Variants in PAX7 observed in about 807,000 individuals in gnomAD.
The protein encoded by PAX7 is paired box protein Pax-7.
PAX7 carries 18 observed loss-of-function variants against 50.7 expected under a neutral mutation model. That is an observed-to-expected ratio of 0.36 (90% CI 0.25 to 0.53). PAX7 has a LOEUF of 0.53. Among genes scored for constraint, PAX7 ranks in the 20% least tolerant of loss-of-function variants. PAX7 has a pLI of 0.93. For missense variants in PAX7, 644 were observed against 702.9 expected (o/e 0.92, Z 0.95); for synonymous variants, 310 against 290.4 (o/e 1.07, Z -0.69).
chr1:18,655,012 T>G (rs9439673), intron 4 of PAX7, among the ~76,000 whole-genome samples: 2,363 of 152,300 alleles, frequency 0.016, 65 homozygotes, highest in African/African-American at 0.053. Flanking sequence ...CACCGTGATA[T>G]TAGTTCCTGG....
At chr1:18,698,715 G>A (rs1234225146) in intron 5 of PAX7, among the ~76,000 whole-genome samples, 1 of 152,206 alleles carries the variant, frequency 6.6e-6, no homozygotes, top group African/African-American at 2.4e-5. Flanking sequence ...TCGGCGCCCT[G>A]TGGAAGTGGG....
Position 18,634,341 on chromosome 1 carries a change from G to A in PAX7, c.124G>A (p.Gly42Arg). Reference sequence around the variant, plus strand: ...TGGCCAAGGCCGGGTCAATCAGCTGGGAGGGGTCTTCATCAATGGGCGACC... The same window carrying A: ...TGGCCAAGGCCGGGTCAATCAGCTGAGAGGGGTCTTCATCAATGGGCGACC... ...PLGQGRVNQL[G>R]GVFINGRPLP... is the part of the protein sequence containing the mutation. Residue 42 changes from glycine (G) to arginine (R), a missense_variant, in exon 2 of 9, where the codon GGA (glycine) becomes AGA (arginine). Physicochemically the swap from Gly to Arg is moderately radical, Grantham distance 125. Coordinates refer to ENST00000420770, the MANE Select transcript of PAX7 (RefSeq NM_001135254.2). The surrounding 1 kb of genome is among the most constrained non-coding windows in gnomAD (Gnocchi z 4.0). The A allele has an allele frequency of 1.2e-6, 2 of 1,614,050 alleles. No homozygotes were observed. Among genetic ancestry groups the A allele is most frequent in the Non-Finnish European group, 1.7e-6 (2 of 1,180,028 alleles).
intron 8 of PAX7, among the ~76,000 whole-genome samples, chr1:18,744,287 T>G (rs1931302718): frequency 6.6e-6 from 1 of 152,130 alleles, no homozygotes. Context: ...GGTGGTTAAT[T>G]CTTTGCTCAG....
In PAX7 at chr1:18,636,537, C is replaced by T. The variant is rs778072165; in HGVS notation, c.586+166C>T. On this transcript the variant is annotated intron_variant, in intron 4 of 8. Transcript: ENST00000420770. This position sits in a 1 kb window ranked among gnomAD's most constrained non-coding sequence, Gnocchi z 5.1. ...GCCGCTCAGGCTTTGCCGACAGCGC[C>T]CCCTCGGTGCGCACCCCGGATGCCG... Among the ~76,000 whole-genome samples, 1 of 152,204 alleles carries T rather than the reference C, an allele frequency of 6.6e-6. No homozygotes were observed. The highest frequency in any genetic ancestry group is 1.5e-5 in the Non-Finnish European group (1 of 68,038).
At chr1:18,730,323 G>A (rs188639673) in intron 7 of PAX7, among the ~76,000 whole-genome samples, 1 of 152,302 alleles carries the variant, frequency 6.6e-6, no homozygotes, top group African/African-American at 2.4e-5. Flanking sequence ...AGCACTGACT[G>A]GTCCAGGCCC....
At chr1:18,658,683 G>A (rs1309369424) in intron 4 of PAX7, among the ~76,000 whole-genome samples, 10 of 152,214 alleles carry the variant, frequency 6.6e-5, no homozygotes, top group East Asian at 5.8e-4. Flanking sequence ...GCTTCTGCCC[G>A]GCTGACTATG....
intron 7 of PAX7, among the ~76,000 whole-genome samples, chr1:18,708,074 A>G (rs1189401510): frequency 6.6e-6 from 1 of 152,082 alleles, no homozygotes; most frequent in Non-Finnish European, 1.5e-5. Flanking sequence ...CACTCAGCAC[A>G]TGCATGTCCC....
At position 18,632,877 on chromosome 1, in the gene PAX7, G is replaced by A. The variant is rs141307552; in HGVS notation, c.85+1189G>A. ...GGAGAGCGCGCAAACCCGGGGATTT[G>A]CAGTGGCACTCTCCTGTAGCGAATG... is the stretch of plus-strand genomic sequence containing the variant. On this transcript the variant is annotated intron_variant, in intron 1 of 8. Transcript: ENST00000420770. This position sits in a 1 kb window ranked among gnomAD's most constrained non-coding sequence, Gnocchi z 6.3. Among the ~76,000 whole-genome samples, 1,230 of 152,280 alleles carry A rather than the reference G, an allele frequency of 8.1e-3. 57 individuals are homozygous for A. Among genetic ancestry groups the A allele is most frequent in the Admixed American group, 0.068 (1,038 of 15,298 alleles).
chr1:18,747,853 G>A lies in PAX7; in HGVS notation c.*2924G>A, dbSNP rs535395221. On this transcript the variant is annotated 3_prime_UTR_variant, in exon 9 of 9. Transcript: ENST00000420770. The stretch of plus-strand genomic sequence containing the variant: ...AAAGAAATCCCCCACAGTGTGTGTC[G>A]TGCTAGTGCCAGAGACCATCTGTAG... The A allele has an allele frequency of 2.1e-5, 4 of 190,896 alleles. No individual in the cohort carries two copies. Among genetic ancestry groups the A allele is most frequent in the South Asian group, 3.9e-4 (2 of 5,152 alleles). The allele number at this position is 190,896 out of a possible 1,614,324, so 11.8% of individuals were successfully genotyped here.
rs2088118169 is a variant in PAX7, at chr1:18,634,811, A to C, written c.321+273A>C. ...TCAACCCCTGTCACCTTCCAAGACC[A>C]GAAGACATCTTCTCTCAGTCTTTCC... On this transcript the variant is annotated intron_variant, in intron 2 of 8. Coordinates refer to ENST00000420770, the MANE Select transcript of PAX7 (RefSeq NM_001135254.2). This position sits in a 1 kb window ranked among gnomAD's most constrained non-coding sequence, Gnocchi z 4.0. Among the ~76,000 whole-genome samples the C allele has an allele frequency of 6.6e-6, 1 of 152,214 alleles. No homozygotes were observed. Among genetic ancestry groups the C allele is most frequent in the South Asian group, 2.1e-4 (1 of 4,830 alleles).
chr1:18,741,657 T>G (rs1003476005), intron 8 of PAX7, among the ~76,000 whole-genome samples: 1 of 151,650 alleles, frequency 6.6e-6, no homozygotes, highest in African/African-American at 2.4e-5. Flanking sequence ...GCTGAAGAGG[T>G]TGGTGTGAGA....
At chr1:18,716,869 A>C (rs1310745675) in intron 7 of PAX7, among the ~76,000 whole-genome samples, 24 of 143,154 alleles carry the variant, frequency 1.7e-4, no homozygotes, top group South Asian at 9.3e-4. Context: ...CCTCTCCCCC[A>C]CCCCCGTGTC....
At chr1:18,651,548 G>A (rs190810668) in intron 4 of PAX7, among the ~76,000 whole-genome samples, 253 of 152,286 alleles carry the variant, frequency 1.7e-3, no homozygotes, top group African/African-American at 5.6e-3. Flanking sequence ...CTGTTCAGAT[G>A]CAGATATATA....
At chr1:18,669,927 T>C (rs1252963364) in intron 4 of PAX7, among the ~76,000 whole-genome samples, 2 of 151,818 alleles carry the variant, frequency 1.3e-5, no homozygotes, top group Non-Finnish European at 2.9e-5. Context: ...CTACTAAAAA[T>C]ACAAAAATTA....
At chr1:18,639,575 G>T (rs889993301) in intron 4 of PAX7, among the ~76,000 whole-genome samples, 1 of 152,086 alleles carries the variant, frequency 6.6e-6, no homozygotes, top group African/African-American at 2.4e-5. Flanking sequence ...CTTTCTCCGA[G>T]GATCAGGGGA....
chr1:18,672,848 C>T (rs886743810), intron 4 of PAX7, among the ~76,000 whole-genome samples: 5 of 152,122 alleles, frequency 3.3e-5, no homozygotes, highest in Admixed American at 3.3e-4. Context: ...AGGTGATCTG[C>T]CTGCCTCAGC....
At chr1:18,642,156 CAT>C (rs886693868) in intron 4 of PAX7, among the ~76,000 whole-genome samples, 4 of 151,050 alleles carry the variant, frequency 2.6e-5, no homozygotes, top group South Asian at 2.1e-4. Context: ...TTATATAAAA[CAT>C]ATTTTTATAT....
chr1:18,634,242 T>A lies in PAX7; in HGVS notation c.86-61T>A, dbSNP rs943125712. 5 of 1,346,294 alleles carry A rather than the reference T, an allele frequency of 3.7e-6. No homozygotes were observed. In the African/African-American group the frequency reaches 7.2e-5, roughly 19 times the overall value. 83.4% of individuals were successfully genotyped at this position (1,346,294 alleles called of 1,614,324 possible). On this transcript the variant is annotated intron_variant, in intron 1 of 8. Coordinates refer to ENST00000420770, the MANE Select transcript of PAX7 (RefSeq NM_001135254.2). The surrounding 1 kb of genome is among the most constrained non-coding windows in gnomAD (Gnocchi z 4.0). The stretch of plus-strand genomic sequence containing the variant: ...AACTGGAGTCAGGGAGTGTACTCAG[T>A]GTCTGCTCTCCATCCTCACCCTGCA...
intron 4 of PAX7, among the ~76,000 whole-genome samples, chr1:18,680,290 C>G (rs1360067983): frequency 1.3e-5 from 2 of 152,180 alleles, no homozygotes; most frequent in African/African-American, 4.8e-5. Context: ...GGACAAGTGA[C>G]AAGTGACATG....
Sources: allele counts gnomAD v4.1 joint callset (sites outside exome capture counted in the v4.1 genomes callset), GRCh38; gene constraint gnomAD v4.1.1; non-coding constraint Gnocchi (gnomAD v3.1); transcripts MANE v1.5; gene names NCBI Gene and HGNC (gene_info 2026-07-23, HGNC 2026-07-21).